MAGI2: variants seen among roughly 807,000 people sequenced by gnomAD.
MAGI2 encodes the protein membrane associated guanylate kinase, WW and PDZ domain containing 2.
MAGI2 carries 35 observed loss-of-function variants against 133.3 expected under a neutral mutation model. That is an observed-to-expected ratio of 0.26 (90% CI 0.20 to 0.35). The LOEUF is 0.35. Ranked by LOEUF, MAGI2 falls within the 10% of genes least tolerant of loss-of-function variation. MAGI2 has a pLI of 1.00. For missense variants in MAGI2, 1,636 were observed against 1,863.4 expected (o/e 0.88, Z 2.25); for synonymous variants, 729 against 710.6 (o/e 1.03, Z -0.41).
At chr7:78,371,178 AG>A (rs1421305652) in intron 6 of MAGI2, among the ~76,000 whole-genome samples, 3 of 151,944 alleles carry the variant, frequency 2.0e-5, no homozygotes, top group Admixed American at 6.6e-5. Context: ...AAATCCCCCA[AG>A]CTATTGGCAA....
intron 2 of MAGI2, among the ~76,000 whole-genome samples, chr7:78,956,609 T>C: frequency 6.6e-6 from 1 of 152,214 alleles, no homozygotes; most frequent in Middle Eastern, 3.2e-3. Flanking sequence ...CCTTGTAGTG[T>C]GGCTAAGACA....
chr7:78,054,598 T>TC (rs1175871816), intron 21 of MAGI2, among the ~76,000 whole-genome samples: 1 of 151,990 alleles, frequency 6.6e-6, no homozygotes, highest in Non-Finnish European at 1.5e-5. Context: ...ACTTTTTTTT[T>TC]TTTTTCCTGA....
chr7:78,576,869 C>G (rs1206617894), intron 3 of MAGI2, among the ~76,000 whole-genome samples: 3 of 152,098 alleles, frequency 2.0e-5, no homozygotes, highest in Admixed American at 2.0e-4. Context: ...GAGTCTGAGG[C>G]AGGCGTATTA....
In MAGI2 at chr7:79,337,068, A is replaced by G. The variant is rs371804914; in HGVS notation, c.301+115952T>C. Among the ~76,000 whole-genome samples the G allele has an allele frequency of 1.7e-3, 254 of 152,250 alleles. 1 individual carries two copies. Among genetic ancestry groups the G allele is most frequent in the African/African-American group, 5.6e-3 (233 of 41,562 alleles). On this transcript the variant is annotated intron_variant, in intron 1 of 21. Coordinates refer to ENST00000354212, the MANE Select transcript of MAGI2 (RefSeq NM_012301.4). Reference sequence around the variant, plus strand: ...GCTTGACTACAGTAATCATACTACTATCTATATGTATCCCATAACATCATG... The same window carrying G: ...GCTTGACTACAGTAATCATACTACTGTCTATATGTATCCCATAACATCATG...
At chr7:78,771,226 C>T (rs950603801) in intron 2 of MAGI2, 5 of 152,398 alleles carry the variant, frequency 3.3e-5, no homozygotes, top group African/African-American at 9.7e-5. Flanking sequence ...TTTCCCCAAC[C>T]CCCACCAGCA....
At chr7:78,140,146 A>G (rs1489950608) in intron 16 of MAGI2, among the ~76,000 whole-genome samples, 1 of 152,168 alleles carries the variant, frequency 6.6e-6, no homozygotes, top group East Asian at 1.9e-4. Flanking sequence ...CGATCCAGCC[A>G]ATGAACTCCT....
chr7:78,158,838 C>T (rs143663258), intron 16 of MAGI2, among the ~76,000 whole-genome samples: 1,867 of 152,256 alleles, frequency 0.012, 17 homozygotes, highest in Middle Eastern at 0.034. Context: ...GTCTGAACCT[C>T]CCCAAATTGC....
At chr7:79,410,690 GTTTA>G (rs1207663272) in intron 1 of MAGI2, 2 of 151,988 alleles carry the variant, frequency 1.3e-5, no homozygotes, top group African/African-American at 2.4e-5. Context: ...ACTCAAATAG[GTTTA>G]TTTGTCAGTT....
rs542387470 is a variant in MAGI2 at position 79,004,909 on chromosome 7, C to T, written c.418+2181G>A. Among the ~76,000 whole-genome samples, 16 of 151,852 alleles carry T rather than the reference C, an allele frequency of 1.1e-4. No homozygotes were observed. The East Asian group carries it at 3.1e-3, about 30-fold the overall frequency. Reference sequence around the variant, plus strand: ...ACCAGCCTGACCAACATGGATAAACCCCGTCTCTACTAAAAATACAAAATT... The same window carrying T: ...ACCAGCCTGACCAACATGGATAAACTCCGTCTCTACTAAAAATACAAAATT... On this transcript the variant is annotated intron_variant, in intron 2 of 21. Transcript: ENST00000354212.
intron 1 of MAGI2, among the ~76,000 whole-genome samples, chr7:79,377,343 G>A (rs868125373): frequency 6.6e-5 from 10 of 151,748 alleles, no homozygotes; most frequent in Admixed American, 1.3e-4. Flanking sequence ...CAAACTACAC[G>A]GTAGTCTTGT....
At chr7:78,288,107 G>T (rs557903232) in intron 9 of MAGI2, among the ~76,000 whole-genome samples, 1 of 152,000 alleles carries the variant, frequency 6.6e-6, no homozygotes, top group Non-Finnish European at 1.5e-5. Context: ...TATTTCAAAC[G>T]CATGAGATCA....
intron 2 of MAGI2, among the ~76,000 whole-genome samples, chr7:78,994,023 G>A (rs1040270534): frequency 2.0e-5 from 3 of 151,976 alleles, no homozygotes; most frequent in East Asian, 1.9e-4. Context: ...GGAAGGTCAC[G>A]TGTGTATATC....
intron 1 of MAGI2, among the ~76,000 whole-genome samples, chr7:79,148,286 T>G (rs1822847496): frequency 1.3e-5 from 2 of 152,150 alleles, no homozygotes; most frequent in African/African-American, 4.8e-5. Context: ...TCTCACTGTT[T>G]AGAAAGACCT....
chr7:78,125,783 T>C lies in MAGI2; in HGVS notation c.3478A>G (p.Ser1160Gly). ...MEKGAKGFGFSIRGGREYKMD... is the reference protein window; with the variant it reads ...MEKGAKGFGFGIRGGREYKMD... ...TTGTATTCCCTTCCTCCACGAATGC[T>C]GAATCCAAATCCTTTGGCTCCTTTC... Residue 1160 changes from serine (S) to glycine (G), a missense_variant, in exon 20 of 22, where the codon AGC (serine) becomes GGC (glycine). Physicochemically the swap from Ser to Gly is moderately conservative, Grantham distance 56. Around this residue, in one of 5 missense-constraint regions of MAGI2, gnomAD observed 49 missense variants for 103.8 expected, o/e 0.47. Transcript: ENST00000354212. 1 of 1,614,184 alleles carries C rather than the reference T, an allele frequency of 6.2e-7. No homozygotes were observed. The highest frequency in any genetic ancestry group is 8.5e-7 in the Non-Finnish European group (1 of 1,180,008).
chr7:78,527,742 G>C (rs1001642361), intron 3 of MAGI2, among the ~76,000 whole-genome samples: 2 of 152,124 alleles, frequency 1.3e-5, no homozygotes, highest in Admixed American at 1.3e-4. Context: ...TTTTCATGAT[G>C]GAAACATATA....
chr7:79,390,994 C>T (rs1268508009), intron 1 of MAGI2, among the ~76,000 whole-genome samples: 1 of 152,138 alleles, frequency 6.6e-6, no homozygotes, highest in Non-Finnish European at 1.5e-5. Context: ...AAATATCTTA[C>T]TCTGAGAGTG....
At chr7:78,745,743 C>T (rs1563445337) in intron 2 of MAGI2, among the ~76,000 whole-genome samples, 1 of 152,146 alleles carries the variant, frequency 6.6e-6, no homozygotes, top group Non-Finnish European at 1.5e-5. Flanking sequence ...TTAATGACCA[C>T]TTACTATTTC....
At chr7:78,892,280 A>C (rs1427560019) in intron 2 of MAGI2, among the ~76,000 whole-genome samples, 1 of 152,234 alleles carries the variant, frequency 6.6e-6, no homozygotes, top group Non-Finnish European at 1.5e-5. Context: ...GGAAGAATCA[A>C]TATCATGAAA....
At chr7:78,386,048 T>C (rs926876743) in intron 6 of MAGI2, among the ~76,000 whole-genome samples, 2 of 152,124 alleles carry the variant, frequency 1.3e-5, no homozygotes, top group Admixed American at 6.6e-5. Flanking sequence ...GACCTGGCCA[T>C]TGCAATTTAT....
Sources: gnomAD v4.1 joint callset for allele counts (sites outside exome capture counted in the v4.1 genomes callset) on GRCh38, gnomAD v4.1.1 for gene constraint, gnomAD v4.1.1 regional missense constraint, MANE v1.5 for transcripts, NCBI Gene and HGNC (gene_info 2026-07-23, HGNC 2026-07-21) for gene names.